The following ZNF516 variants were observed in gnomAD, a reference collection of about 807,000 sequenced individuals.
ZNF516 encodes the protein zinc finger protein 516.
Under a neutral mutation model 79.7 loss-of-function variants are expected in ZNF516, and 19 were observed. The observed-to-expected ratio is 0.24, with a 90% CI of 0.17 to 0.35. The LOEUF (loss-of-function observed/expected upper bound fraction) is 0.35, where lower values mean the gene tolerates loss of function less well. ZNF516 is among the 10% of genes least tolerant of loss of function. The pLI is 1.00. For missense variants in ZNF516, 1,678 were observed against 1,679.5 expected (o/e 1.00, Z 0.02); for synonymous variants, 877 against 739.5 (o/e 1.19, Z -3.02).
chr18:76,437,374 C>T (rs780751151), intron 3 of ZNF516, among the ~76,000 whole-genome samples: 1 of 152,070 alleles, frequency 6.6e-6, no homozygotes, highest in East Asian at 1.9e-4. Flanking sequence ...AGCGAGGGGA[C>T]GGGAAACGTG....
At chr18:76,494,627 A>T (rs1375752092) in intron 1 of ZNF516, among the ~76,000 whole-genome samples, 1 of 151,956 alleles carries the variant, frequency 6.6e-6, no homozygotes, top group East Asian at 1.9e-4. Flanking sequence ...CGGTGCCCAC[A>T]GGCATCGATC....
chr18:76,380,581 G>A (rs1327556876), intron 3 of ZNF516, among the ~76,000 whole-genome samples: 1 of 152,154 alleles, frequency 6.6e-6, no homozygotes, highest in Non-Finnish European at 1.5e-5. Context: ...ATGTAACGAC[G>A]CTGTCCCTAG....
chr18:76,399,452 T>TTA (rs754969079), intron 3 of ZNF516, among the ~76,000 whole-genome samples: 1 of 152,142 alleles, frequency 6.6e-6, no homozygotes, highest in Non-Finnish European at 1.5e-5. Context: ...ATGTGGGGGA[T>TTA]TATATATATA....
intron 2 of ZNF516, among the ~76,000 whole-genome samples, chr18:76,450,230 G>A (rs1912319985): frequency 6.7e-6 from 1 of 148,958 alleles, no homozygotes; most frequent in African/African-American, 2.5e-5. Context: ...TTCCAAATTT[G>A]GCAAACTTTT....
intron 3 of ZNF516, among the ~76,000 whole-genome samples, chr18:76,404,242 C>G (rs2145240639): frequency 6.6e-6 from 1 of 152,388 alleles, no homozygotes; most frequent in Middle Eastern, 3.4e-3. Flanking sequence ...CAGGGGGGTC[C>G]CCAAGGACCT....
chr18:76,489,700 T>C (rs761823990), intron 1 of ZNF516, among the ~76,000 whole-genome samples: 3 of 152,104 alleles, frequency 2.0e-5, no homozygotes, highest in Non-Finnish European at 2.9e-5. Context: ...TGGGAAAACA[T>C]TGGTGAGGTA....
At chr18:76,490,638 C>T (rs572868542) in intron 1 of ZNF516, 1 of 403,320 alleles carries the variant, frequency 2.5e-6, no homozygotes, top group East Asian at 1.6e-4. Context: ...GTATTTACTC[C>T]ATAGCCCCAT....
chr18:76,371,659 G>A, intron 4 of ZNF516, 88 bp from the exon 5 acceptor site: 2 of 1,018,452 alleles, frequency 2.0e-6, no homozygotes, highest in Non-Finnish European at 3.0e-6. Context: ...GAAGCGAGAG[G>A]AAAACATCAT....
intron 3 of ZNF516, among the ~76,000 whole-genome samples, chr18:76,397,550 A>T (rs1727797388): frequency 6.6e-6 from 1 of 152,242 alleles, no homozygotes; most frequent in African/African-American, 2.4e-5. Flanking sequence ...TTGCGAAAGT[A>T]TGTTATCTGT....
chr18:76,435,691 G>T (rs1329073797), intron 3 of ZNF516, among the ~76,000 whole-genome samples: 1 of 152,180 alleles, frequency 6.6e-6, no homozygotes, highest in East Asian at 1.9e-4. Flanking sequence ...TACTCCCAAC[G>T]AAAGGAACTC....
rs149335801 is a variant in ZNF516 at position 76,408,227 on chromosome 18, G to A, written c.1811-27924C>T. 2.4e-3 allele frequency among the ~76,000 whole-genome samples: 359 copies of A among 152,258 alleles called. 2 individuals carry two copies. The highest frequency in any genetic ancestry group is 3.3e-3 in the Non-Finnish European group (224 of 68,016). On this transcript the variant is annotated intron_variant, in intron 3 of 6. Coordinates refer to ENST00000443185, the MANE Select transcript of ZNF516 (RefSeq NM_014643.4). ...CTTGCATGAACGTTTTTAATCGCAC[G>A]TCACTATGACCTCCCCGCTGTTATT...
intron 1 of ZNF516, chr18:76,490,807 C>T (rs1008255436): frequency 1.0e-6 from 1 of 985,360 alleles, no homozygotes. Context: ...ACGAGCGGAC[C>T]GGAGGGTCCG....
intron 3 of ZNF516, among the ~76,000 whole-genome samples, chr18:76,426,435 G>A (rs187990096): frequency 6.0e-4 from 91 of 152,098 alleles, no homozygotes; most frequent in African/African-American, 2.0e-3. Context: ...GCTCAAATAC[G>A]GCATGTCCAG....
intron 3 of ZNF516, among the ~76,000 whole-genome samples, chr18:76,424,674 C>T (rs373568019): frequency 1.3e-3 from 167 of 131,766 alleles, no homozygotes; most frequent in Middle Eastern, 6.8e-3. Flanking sequence ...ATGAAACACA[C>T]GCAGGTGAAA....
rs1248164580 is a variant in ZNF516, at chr18:76,416,241, C to T, written c.1810+25004G>A. On this transcript the variant is annotated intron_variant, in intron 3 of 6. Coordinates refer to ENST00000443185, the MANE Select transcript of ZNF516 (RefSeq NM_014643.4). Reference sequence around the variant, plus strand: ...ACACTTTGGTCCTCCTTGGAAGAGGCGGCCGGTTCCCCAGGCAGGACTGCC... The same window carrying T: ...ACACTTTGGTCCTCCTTGGAAGAGGTGGCCGGTTCCCCAGGCAGGACTGCC... Among the ~76,000 whole-genome samples the T allele has an allele frequency of 1.9e-4, 29 of 152,216 alleles. 1 individual carries two copies. Among genetic ancestry groups the T allele is most frequent in the Admixed American group, 1.7e-3 (26 of 15,286 alleles).
chr18:76,445,212 A>G (rs971285497), intron 2 of ZNF516, among the ~76,000 whole-genome samples: 3 of 150,966 alleles, frequency 2.0e-5, no homozygotes, highest in Non-Finnish European at 2.9e-5. Flanking sequence ...AGCTGAGATC[A>G]TGCCACTGCA....
At chr18:76,373,716 T>TGC (rs2074744149) in intron 4 of ZNF516, among the ~76,000 whole-genome samples, 1 of 151,896 alleles carries the variant, frequency 6.6e-6, no homozygotes, top group South Asian at 2.1e-4. Flanking sequence ...TGAGCACGCG[T>TGC]GCACACACAC....
intron 3 of ZNF516, among the ~76,000 whole-genome samples, chr18:76,403,145 G>A (rs893655506): frequency 3.3e-5 from 5 of 152,146 alleles, no homozygotes; most frequent in Non-Finnish European, 5.9e-5. Flanking sequence ...TCTACCCTGC[G>A]TTTACTATAC....
At chr18:76,468,151 GCTCT>G (rs1397989841) in intron 1 of ZNF516, among the ~76,000 whole-genome samples, 2 of 152,174 alleles carry the variant, frequency 1.3e-5, no homozygotes, top group South Asian at 2.1e-4. Context: ...GAGAACTTCT[GCTCT>G]CTATGTATAC....
Sources: allele counts gnomAD v4.1 joint callset (sites outside exome capture counted in the v4.1 genomes callset), GRCh38; gene constraint gnomAD v4.1.1; transcripts MANE v1.5; gene names NCBI Gene and HGNC (gene_info 2026-07-23, HGNC 2026-07-21).